Variants in CDKAL1 observed in about 807,000 individuals in gnomAD.
The protein encoded by CDKAL1 is CDKAL1 threonylcarbamoyladenosine tRNA methylthiotransferase.
CDKAL1 carries 32 observed loss-of-function variants against 68.2 expected under a neutral mutation model. That is an observed-to-expected ratio of 0.47 (90% CI 0.35 to 0.63). The LOEUF is 0.63. CDKAL1 is among the 30% of genes least tolerant of loss of function. The pLI is 0.00. For missense variants in CDKAL1, 606 were observed against 696.7 expected, an observed-to-expected ratio of 0.87 and a Z score of 1.47; for synonymous variants, 234 against 244.3, an observed-to-expected ratio of 0.96 and a Z score of 0.39.
chr6:20,648,131 T>A (rs1310421240), intron 4 of CDKAL1, among the ~76,000 whole-genome samples: 1 of 149,838 alleles, frequency 6.7e-6, no homozygotes, highest in African/African-American at 2.4e-5. Context: ...TGGGGGAATT[T>A]TTTTTTTTTT....
intron 13 of CDKAL1, among the ~76,000 whole-genome samples, chr6:21,122,868 C>T (rs1221259199): frequency 7.3e-6 from 1 of 137,786 alleles, no homozygotes; most frequent in Admixed American, 8.0e-5. Context: ...TGGTCTCAAA[C>T]TACTGGCTTT....
intron 11 of CDKAL1, among the ~76,000 whole-genome samples, chr6:21,064,447 A>C (rs926485475): frequency 9.2e-5 from 14 of 152,270 alleles, no homozygotes; most frequent in Non-Finnish European, 1.6e-4. Flanking sequence ...TCAAAGGTTT[A>C]GAAAACAGTA....
chr6:20,715,751 A>G (rs1044690204), intron 5 of CDKAL1, among the ~76,000 whole-genome samples: 3 of 152,206 alleles, frequency 2.0e-5, no homozygotes, highest in African/African-American at 7.2e-5. Context: ...ACAGCTATGT[A>G]GGATATTCTG....
intron 10 of CDKAL1, among the ~76,000 whole-genome samples, chr6:20,986,052 T>C (rs1766436229): frequency 6.6e-6 from 1 of 152,196 alleles, no homozygotes; most frequent in Admixed American, 6.5e-5. Flanking sequence ...CTGATTCTTA[T>C]CTCTGATTCT....
chr6:20,662,886 AG>A (rs1419434828), intron 5 of CDKAL1, among the ~76,000 whole-genome samples: 1 of 152,176 alleles, frequency 6.6e-6, no homozygotes, highest in East Asian at 1.9e-4. Context: ...AAACCTAAAA[AG>A]TAGAGGCTTA....
intron 4 of CDKAL1, among the ~76,000 whole-genome samples, chr6:20,642,153 C>T (rs1004246911): frequency 4.0e-5 from 6 of 151,830 alleles, no homozygotes; most frequent in Admixed American, 3.9e-4. Flanking sequence ...AATGCAAAAC[C>T]ATATGTGTAT....
intron 9 of CDKAL1, among the ~76,000 whole-genome samples, chr6:20,907,531 G>T (rs1762285911): frequency 6.6e-6 from 1 of 152,072 alleles, no homozygotes; most frequent in Non-Finnish European, 1.5e-5. Flanking sequence ...ACTTACAAAA[G>T]ACAAAATAAA....
intron 8 of CDKAL1, among the ~76,000 whole-genome samples, chr6:20,824,128 A>G (rs925671701): frequency 6.6e-6 from 1 of 152,146 alleles, no homozygotes; most frequent in Non-Finnish European, 1.5e-5. Flanking sequence ...GTGTCTTGCT[A>G]CCGCTGCTTC....
intron 13 of CDKAL1, among the ~76,000 whole-genome samples, chr6:21,188,979 G>A (rs1017802068): frequency 1.3e-5 from 2 of 152,156 alleles, no homozygotes; most frequent in African/African-American, 4.8e-5. Context: ...CATCAGTGTG[G>A]CATTTCCTGT....
intron 9 of CDKAL1, among the ~76,000 whole-genome samples, 172 bp downstream of exon 9, chr6:20,846,350 T>G (rs1182542399): frequency 6.6e-6 from 1 of 152,228 alleles, no homozygotes; most frequent in Non-Finnish European, 1.5e-5. Context: ...AGTTTATTTT[T>G]ACATTAATGA....
chr6:20,607,002 G>T (rs1182383298), intron 4 of CDKAL1, among the ~76,000 whole-genome samples: 2 of 152,174 alleles, frequency 1.3e-5, no homozygotes, highest in African/African-American at 4.8e-5. Context: ...GGCTTATAGG[G>T]TTTAGGTAGT....
intron 11 of CDKAL1, among the ~76,000 whole-genome samples, chr6:21,013,046 T>C (rs1407806365): frequency 6.6e-6 from 1 of 152,198 alleles, no homozygotes; most frequent in East Asian, 1.9e-4. Context: ...TCTTCCCTAC[T>C]CTGAACTTAC....
intron 8 of CDKAL1, among the ~76,000 whole-genome samples, chr6:20,840,838 T>A (rs1198345354): frequency 1.3e-5 from 2 of 152,208 alleles, no homozygotes; most frequent in Admixed American, 6.5e-5. Context: ...AGGCTATATT[T>A]AACAATGAAG....
At chr6:20,552,867 T>C (rs1763888469) in intron 4 of CDKAL1, among the ~76,000 whole-genome samples, 2 of 152,176 alleles carry the variant, frequency 1.3e-5, no homozygotes, top group Non-Finnish European at 2.9e-5. Flanking sequence ...GATTTTATAT[T>C]TAAAGATTTG....
At chr6:21,049,098 A>G (rs938685672) in intron 11 of CDKAL1, among the ~76,000 whole-genome samples, 1 of 152,190 alleles carries the variant, frequency 6.6e-6, no homozygotes, top group Non-Finnish European at 1.5e-5. Flanking sequence ...AGTCTGTTCC[A>G]AGGTATCAGA....
chr6:20,630,969 C>T (rs1767649670), intron 4 of CDKAL1, among the ~76,000 whole-genome samples: 1 of 152,142 alleles, frequency 6.6e-6, no homozygotes, highest in Non-Finnish European at 1.5e-5. Flanking sequence ...TAATTTATTA[C>T]CTAGTCAAAA....
chr6:20,997,813 GC>G lies in CDKAL1; in HGVS notation c.910-2413del, dbSNP rs369494923. The stretch of plus-strand genomic sequence containing the variant: ...AGTTCGGGAACTAGCTTATCAGAAA[GC>G]TGTTTTATTTATTGATAGGTTCCCT... On this transcript the variant is annotated intron_variant, in intron 10 of 15. Transcript: ENST00000274695. 1.4e-3 allele frequency among the ~76,000 whole-genome samples: 217 copies of G among 152,134 alleles called. 1 individual carries two copies. The highest frequency in any genetic ancestry group is 4.3e-3 in the African/African-American group (180 of 41,498).
chr6:20,777,214 A>G (rs1387307846), intron 7 of CDKAL1, among the ~76,000 whole-genome samples: 2 of 152,242 alleles, frequency 1.3e-5, no homozygotes, highest in Non-Finnish European at 2.9e-5. Flanking sequence ...TTTGTCAGGC[A>G]GAAAAGAAGA....
rs562231425 is a variant in CDKAL1, at chr6:20,731,967, C to T, written c.372-7552C>T. Among the ~76,000 whole-genome samples the T allele has an allele frequency of 2.1e-4, 32 of 152,170 alleles. No homozygotes were observed. The South Asian group carries it at 5.8e-3, about 28-fold the overall frequency. ...GCCAGGACATCTGGTGAAAGATTTC[C>T]AGGGAGGATGACCTGTAGCAGCCAG... On this transcript the variant is annotated intron_variant, in intron 5 of 15. Coordinates refer to ENST00000274695, the MANE Select transcript of CDKAL1 (RefSeq NM_017774.3).
Sources: allele counts gnomAD v4.1 joint callset (sites outside exome capture counted in the v4.1 genomes callset), GRCh38; gene constraint gnomAD v4.1.1; transcripts MANE v1.5; gene names NCBI Gene and HGNC (gene_info 2026-07-23, HGNC 2026-07-21).